The following KIAA1217 variants were observed in gnomAD, a reference collection of about 807,000 sequenced individuals.
KIAA1217 encodes the protein sickle tail protein homolog.
In KIAA1217, 88 loss-of-function variants were observed where a neutral mutation model predicts 163.9. The observed-to-expected ratio is 0.54, with a 90% CI of 0.45 to 0.64. The LOEUF is 0.64. Among genes scored for constraint, KIAA1217 ranks in the 30% least tolerant of loss-of-function variants. KIAA1217 has a pLI of 0.00. For synonymous variants in KIAA1217, 903 were observed against 923.1 expected, an observed-to-expected ratio of 0.98 and a Z score of 0.39; for missense variants, 2,372 against 2,475.0, an observed-to-expected ratio of 0.96 and a Z score of 0.88.
At chr10:23,823,859 G>A (rs1432665649) in intron 1 of KIAA1217, among the ~76,000 whole-genome samples, 1 of 151,906 alleles carries the variant, frequency 6.6e-6, no homozygotes, top group Non-Finnish European at 1.5e-5. Context: ...GGGGTGGAAG[G>A]GAAGTAGAAA....
chr10:23,870,035 C>T (rs1588984499), intron 1 of KIAA1217, among the ~76,000 whole-genome samples: 1 of 152,096 alleles, frequency 6.6e-6, no homozygotes, highest in Non-Finnish European at 1.5e-5. Flanking sequence ...AGAGTACATA[C>T]ATTTGCAGGG....
chr10:24,217,749 G>T (rs1221129379), intron 1 of KIAA1217, among the ~76,000 whole-genome samples: 1 of 152,176 alleles, frequency 6.6e-6, no homozygotes, highest in Non-Finnish European at 1.5e-5. Flanking sequence ...ATTCAACTGA[G>T]CAGAACTCCC....
chr10:23,810,953 TAA>T (rs1491512040), intron 1 of KIAA1217, among the ~76,000 whole-genome samples: 8 of 117,850 alleles, frequency 6.8e-5, no homozygotes, highest in Admixed American at 3.8e-4. Context: ...ATATATTATA[TAA>T]TATATATAGT....
chr10:23,967,703 A>C (rs1845124937), intron 1 of KIAA1217, among the ~76,000 whole-genome samples: 1 of 152,174 alleles, frequency 6.6e-6, no homozygotes. Context: ...ACAATAATGC[A>C]TTTATTTTTT....
At chr10:24,047,969 G>C (rs1849163128) in intron 2 of KIAA1217, among the ~76,000 whole-genome samples, 1 of 152,104 alleles carries the variant, frequency 6.6e-6, no homozygotes, top group South Asian at 2.1e-4. Flanking sequence ...CAGTCAATGG[G>C]TATCATCCAT....
chr10:24,423,603 G>A lies in KIAA1217; in HGVS notation c.554-9392G>A, dbSNP rs370342398. Among the ~76,000 whole-genome samples the A allele has an allele frequency of 2.6e-5, 4 of 152,290 alleles. No individual in the cohort carries two copies. In the East Asian group the frequency reaches 5.8e-4, roughly 22 times the overall value. On this transcript the variant is annotated intron_variant, in intron 3 of 20. Transcript: ENST00000376454. ...GCCTCCCAAGTAGCTGGGACTACAG[G>A]CATGCACCACCACACCCAGCTAATT...
In KIAA1217 at chr10:24,524,482, G is replaced by A. The variant is rs199985849; in HGVS notation, c.2616G>A (p.Ala872=). The stretch of plus-strand genomic sequence containing the variant: ...ACAGCACAGGTGCCCCTGGCGATGC[G>A]AAGTCGGAAGTGGTGCCTTTGTCCG... The part of the protein sequence containing the change: ...PFHSTGAPGD[A]KSEVVPLSGM... Residue 872 remains alanine, a synonymous_variant, in exon 13 of 21, where the codon GCG becomes GCA. Transcript: ENST00000376454. The A allele has an allele frequency of 6.7e-5, 108 of 1,614,164 alleles. No individual in the cohort carries two copies. The Admixed American group carries it at 7.5e-4, about 11-fold the overall frequency.
intron 2 of KIAA1217, among the ~76,000 whole-genome samples, chr10:24,314,027 A>T (rs1258188146): frequency 1.3e-5 from 2 of 151,868 alleles, no homozygotes; most frequent in South Asian, 2.1e-4. Flanking sequence ...TTTAGTAGAG[A>T]TGGGGTTTCT....
intron 1 of KIAA1217, among the ~76,000 whole-genome samples, chr10:23,990,154 T>C (rs1846158023): frequency 6.6e-6 from 1 of 152,210 alleles, no homozygotes; most frequent in South Asian, 2.1e-4. Context: ...AGTATCTTCA[T>C]TGGGATTAAT....
chr10:24,182,297 A>G (rs547679594), intron 2 of KIAA1217, among the ~76,000 whole-genome samples: 5 of 152,264 alleles, frequency 3.3e-5, no homozygotes, highest in East Asian at 1.9e-4. Context: ...TTAGCTGGGC[A>G]TGGTGGTGTG....
intron 2 of KIAA1217, among the ~76,000 whole-genome samples, chr10:24,087,013 A>G (rs892174157): frequency 1.3e-5 from 2 of 152,234 alleles, no homozygotes; most frequent in African/African-American, 2.4e-5. Context: ...ATTGTCCAGT[A>G]TGGCTCTGAG....
At chr10:24,194,099 A>C (rs933198906) in intron 2 of KIAA1217, among the ~76,000 whole-genome samples, 2 of 152,070 alleles carry the variant, frequency 1.3e-5, no homozygotes, top group Non-Finnish European at 2.9e-5. Flanking sequence ...AGGCATGAGA[A>C]TCACTTGAAC....
intron 2 of KIAA1217, among the ~76,000 whole-genome samples, chr10:24,288,256 A>T (rs1160383395): frequency 6.6e-6 from 1 of 152,216 alleles, no homozygotes; most frequent in Non-Finnish European, 1.5e-5. Flanking sequence ...TTCATTTGAA[A>T]ATGTCAAAGT....
At chr10:23,992,628 A>AGATGG (rs1564594061) in intron 1 of KIAA1217, among the ~76,000 whole-genome samples, 2 of 140,736 alleles carry the variant, frequency 1.4e-5, no homozygotes, top group African/African-American at 5.4e-5. Flanking sequence ...TTTTTTTTGG[A>AGATGG]AGCCCTCGTG....
rs150652069 is a variant in KIAA1217, at chr10:23,879,949, A to G, written c.-320-127276A>G. Among the ~76,000 whole-genome samples the G allele has an allele frequency of 6.1e-3, 924 of 151,892 alleles. 9 individuals are homozygous for G. The highest frequency in any genetic ancestry group is 9.3e-3 in the Non-Finnish European group (631 of 67,858). ...ATGGCCAGTTGCTCCACATAACAGG[A>G]AGGAAGGTTTGATTACATGGGCCAC... On this transcript the variant is annotated intron_variant, in intron 1 of 18. Transcript: ENST00000376462.
At position 23,906,390 on chromosome 10, in the gene KIAA1217, T is replaced by G. The variant is rs567836512; in HGVS notation, c.-320-100835T>G. 6.8e-4 allele frequency among the ~76,000 whole-genome samples: 103 copies of G among 152,224 alleles called. No individual in the cohort carries two copies. In the South Asian group the frequency reaches 0.011, roughly 16 times the overall value. On this transcript the variant is annotated intron_variant, in intron 1 of 18. Transcript: ENST00000376462. ...ACTACTTTCTTGGAATATCCAAATG[T>G]GAAATGGAATGTACTTAAAAAACAA...
intron 6 of KIAA1217, among the ~76,000 whole-genome samples, chr10:24,478,622 G>T (rs909185886): frequency 6.6e-6 from 1 of 152,120 alleles, no homozygotes. Context: ...ATTCAGCTAG[G>T]ACTCCAAGTA....
intron 1 of KIAA1217, among the ~76,000 whole-genome samples, chr10:23,721,673 C>T (rs1837879925): frequency 6.6e-6 from 1 of 151,622 alleles, no homozygotes; most frequent in South Asian, 2.1e-4. Flanking sequence ...TAAAAAAATT[C>T]CAGAAAGTTT....
intron 2 of KIAA1217, among the ~76,000 whole-genome samples, chr10:24,135,736 A>T (rs1044276930): frequency 8.5e-5 from 13 of 152,150 alleles, no homozygotes; most frequent in Admixed American, 2.6e-4. Flanking sequence ...GGCAAGACGC[A>T]GGAGACAGGG....
Sources: gnomAD v4.1 joint callset for allele counts (sites outside exome capture counted in the v4.1 genomes callset) on GRCh38, gnomAD v4.1.1 for gene constraint, MANE v1.5 for transcripts, NCBI Gene and HGNC (gene_info 2026-07-23, HGNC 2026-07-21) for gene names.